The following CLTCL1 variants were observed in gnomAD, a reference collection of about 807,000 sequenced individuals.
CLTCL1 encodes the protein clathrin heavy chain like 1, also known as clathrin heavy chain 2.
In CLTCL1, 159 loss-of-function variants were observed where a neutral mutation model predicts 190.0. The observed-to-expected ratio is 0.84, with a 90% CI of 0.74 to 0.95. The LOEUF (loss-of-function observed/expected upper bound fraction) is 0.95, where lower values mean the gene tolerates loss of function less well. Ranked by LOEUF, CLTCL1 falls within the 40% of genes least tolerant of loss-of-function variation. CLTCL1 has a pLI of 0.00. For missense variants in CLTCL1, 1,878 were observed against 2,033.4 expected (o/e 0.92, Z 1.47); for synonymous variants, 752 against 769.6 (o/e 0.98, Z 0.38).
intron 29 of CLTCL1, among the ~76,000 whole-genome samples, chr22:19,186,674 C>T (rs2084326160): frequency 6.6e-6 from 1 of 152,018 alleles, no homozygotes; most frequent in African/African-American, 2.4e-5. Context: ...GATCTCCGCT[C>T]ACTGCAACCT....
chr22:19,219,843 G>A (rs781822373), intron 18 of CLTCL1, 42 bp downstream of exon 18: 15 of 1,608,804 alleles, frequency 9.3e-6, no homozygotes, highest in Non-Finnish European at 1.3e-5. Context: ...TGATCGGACG[G>A]CAAAATGCAG....
chr22:19,211,720 T>C (rs954671187), intron 19 of CLTCL1, among the ~76,000 whole-genome samples: 8 of 150,304 alleles, frequency 5.3e-5, no homozygotes, highest in Non-Finnish European at 1.0e-4. Flanking sequence ...TGAGCTGAGA[T>C]TGCGCCACTG....
At chr22:19,285,825 A>G (rs1266905647) in intron 1 of CLTCL1, among the ~76,000 whole-genome samples, 1 of 152,206 alleles carries the variant, frequency 6.6e-6, no homozygotes, top group Admixed American at 6.5e-5. Context: ...CTACTACCCT[A>G]GGGAATACTG....
chr22:19,236,102 A>G (rs2086074899), intron 5 of CLTCL1, among the ~76,000 whole-genome samples: 1 of 152,134 alleles, frequency 6.6e-6, no homozygotes, highest in African/African-American at 2.4e-5. Context: ...TGGGACTACA[A>G]GTGTGAGCTG....
chr22:19,199,086 A>C (rs1318177274), intron 24 of CLTCL1, among the ~76,000 whole-genome samples: 1 of 152,138 alleles, frequency 6.6e-6, no homozygotes, highest in African/African-American at 2.4e-5. Context: ...TTTGGGGCTC[A>C]ATTTCCATGG....
rs1555944128 is a variant in CLTCL1 at position 19,208,237 on chromosome 22, G to T, written c.3517C>A (p.Leu1173Ile). 1 of 1,613,818 alleles carries T rather than the reference G, an allele frequency of 6.2e-7. No individual in the cohort carries two copies. Among genetic ancestry groups the T allele is most frequent in the Non-Finnish European group, 8.5e-7 (1 of 1,179,882 alleles). Residue 1173 changes from leucine (L) to isoleucine (I), a missense_variant, in exon 22 of 33, where the codon CTT (leucine) becomes ATT (isoleucine). Coordinates refer to ENST00000427926, the MANE Select transcript of CLTCL1 (RefSeq NM_007098.4). ...KGRESYIETE[L>I]IFALAKTSRV... ...CTGGTTTTAGCCAAGGCAAAAATAA[G>T]TTCAGTCTCTATATAGGACTCACGG...
intron 29 of CLTCL1, chr22:19,184,542 A>AAGGC: frequency 2.2e-6 from 1 of 455,984 alleles, no homozygotes; most frequent in Non-Finnish European, 4.4e-6. Flanking sequence ...TGTTCCTACA[A>AAGGC]AGGCACCAGG....
At chr22:19,204,517 A>G (rs1027448899) in intron 22 of CLTCL1, among the ~76,000 whole-genome samples, 2 of 152,196 alleles carry the variant, frequency 1.3e-5, no homozygotes, top group Admixed American at 6.5e-5. Flanking sequence ...ACCATTTAAT[A>G]GATCACAGTA....
chr22:19,223,953 C>A lies in CLTCL1; in HGVS notation c.2230G>T (p.Val744Leu). ...AACKTGQIKE[V>L]ERICRESSCY... ...CTGCTCTCTCGGCATATCCTCTCCA[C>A]CTCCTTGATCTGCCCTGTCTTACAG... Residue 744 changes from valine to leucine, a missense_variant, in exon 14 of 33, where the codon GTG (valine) becomes TTG (leucine). Val to Leu is a conservative substitution (Grantham distance 32). Coordinates refer to ENST00000427926, the MANE Select transcript of CLTCL1 (RefSeq NM_007098.4). 6.2e-7 allele frequency: 1 copy of A among 1,613,984 alleles called. No homozygotes were observed. The highest frequency in any genetic ancestry group is 1.1e-5 in the South Asian group (1 of 91,078).
chr22:19,208,088 C>T (rs2085106275), intron 22 of CLTCL1, 66 bp downstream of exon 22: 1 of 1,596,410 alleles, frequency 6.3e-7, no homozygotes, highest in African/African-American at 1.3e-5. Flanking sequence ...GGGACTGCTG[C>T]TCTGAGGAAC....
At chr22:19,190,745 T>C (rs955414075) in intron 27 of CLTCL1, among the ~76,000 whole-genome samples, 9 of 152,064 alleles carry the variant, frequency 5.9e-5, no homozygotes, top group South Asian at 4.1e-4. Context: ...GCTAATCGAC[T>C]TTCTCAATGC....
At chr22:19,265,778 C>T (rs1205497627) in intron 2 of CLTCL1, among the ~76,000 whole-genome samples, 2 of 152,138 alleles carry the variant, frequency 1.3e-5, no homozygotes, top group Non-Finnish European at 2.9e-5. Flanking sequence ...ACAAGAAAGG[C>T]ACAGGGTAGG....
Position 19,254,216 on chromosome 22 carries a change from G to T in CLTCL1, c.262C>A (p.Leu88Ile). 1.2e-6 allele frequency: 2 copies of T among 1,611,464 alleles called. No homozygotes were observed. Among genetic ancestry groups the T allele is most frequent in the Non-Finnish European group, 8.5e-7 (1 of 1,177,732 alleles). The stretch of plus-strand genomic sequence containing the variant: ...TTCATCTCAATATTAAAGATCTGAA[G>T]TGTCTTCCCAGCTAGTATTTGATAT... ...KVIALKAGKT[L>I]QIFNIEMKSK... The change falls in exon 3 of 33, where the codon CTT becomes ATT. Residue 88 changes from leucine to isoleucine, a missense_variant. Physicochemically the swap from Leu to Ile is conservative, Grantham distance 5 (BLOSUM62 2). Coordinates refer to ENST00000427926, the MANE Select transcript of CLTCL1 (RefSeq NM_007098.4).
intron 15 of CLTCL1, 129 bp downstream of exon 15, chr22:19,222,555 C>G: frequency 1.8e-6 from 2 of 1,111,300 alleles, no homozygotes; most frequent in South Asian, 3.0e-5. Context: ...AGTCTGAGCA[C>G]ACGAACCCAC....
chr22:19,185,469 GGCTCCTGCCACCACGC>G (rs1569143036), intron 29 of CLTCL1, among the ~76,000 whole-genome samples: 1 of 152,110 alleles, frequency 6.6e-6, no homozygotes, highest in African/African-American at 2.4e-5. Flanking sequence ...TGGGACTACA[GGCTCCTGCCACCACGC>G]CCAGCTACTT....
rs1011618293 is a variant in CLTCL1, at chr22:19,276,888, G to A, written c.43-1058C>T. On this transcript the variant is annotated intron_variant, in intron 1 of 32. Coordinates refer to ENST00000427926, the MANE Select transcript of CLTCL1 (RefSeq NM_007098.4). ...GGGGTTTCACCGTGTTAGCCAGGATGGTCTCAATCTCCTGACCTCGTGATC... is the reference window on the plus strand; with the variant it reads ...GGGGTTTCACCGTGTTAGCCAGGATAGTCTCAATCTCCTGACCTCGTGATC... Among the ~76,000 whole-genome samples the A allele has an allele frequency of 3.3e-5, 5 of 152,052 alleles. No homozygotes were observed. The East Asian group carries it at 5.8e-4, about 18-fold the overall frequency.
chr22:19,280,611 G>A (rs2087672444), intron 1 of CLTCL1, among the ~76,000 whole-genome samples: 1 of 151,918 alleles, frequency 6.6e-6, no homozygotes, highest in Non-Finnish European at 1.5e-5. Flanking sequence ...TTGAGGTCAG[G>A]AGATCGAGAC....
In CLTCL1 at chr22:19,225,470, G is replaced by T; in HGVS notation, c.2111C>A (p.Ser704Tyr). ...TGGTTTACCTTTGTAACTCTTGAAG[G>T]ATTCAAAGAGCTCCACCAGGGCCTG... ...GTQALVELFE[S>Y]FKSYKGLFYF... The change falls in exon 13 of 33, where the codon TCC becomes TAC. Residue 704 changes from serine (S) to tyrosine (Y), a missense_variant. By Grantham distance (144) the Ser-to-Tyr change is moderately radical. Coordinates refer to ENST00000427926, the MANE Select transcript of CLTCL1 (RefSeq NM_007098.4). 1 of 1,584,178 alleles carries T rather than the reference G, an allele frequency of 6.3e-7. No individual in the cohort carries two copies. Among genetic ancestry groups the T allele is most frequent in the Non-Finnish European group, 8.6e-7 (1 of 1,164,516 alleles).
chr22:19,232,371 A>C, intron 10 of CLTCL1, 105 bp downstream of exon 10: 4 of 1,472,640 alleles, frequency 2.7e-6, no homozygotes, highest in Non-Finnish European at 2.8e-6. Flanking sequence ...GATTAATAGC[A>C]GATGAAGAAA....
Sources: gnomAD v4.1 joint callset for allele counts (sites outside exome capture counted in the v4.1 genomes callset) on GRCh38, gnomAD v4.1.1 for gene constraint, MANE v1.5 for transcripts, NCBI Gene and HGNC (gene_info 2026-07-23, HGNC 2026-07-21) for gene names.